The following IFT46 variants were observed in gnomAD, a reference collection of about 807,000 sequenced individuals.
IFT46 encodes the protein intraflagellar transport protein 46 homolog.
Under a neutral mutation model 39.6 loss-of-function variants are expected in IFT46, and 19 were observed. The observed-to-expected ratio is 0.48, with a 90% CI of 0.33 to 0.70. The LOEUF is 0.70. IFT46 is among the 30% of genes least tolerant of loss of function. The pLI is 0.01. For synonymous variants in IFT46, 117 were observed against 134.8 expected, an observed-to-expected ratio of 0.87 and a Z score of 0.91; for missense variants, 334 against 364.8, an observed-to-expected ratio of 0.92 and a Z score of 0.69.
At position 118,551,774 on chromosome 11, in the gene IFT46, C is replaced by T. The variant is rs2135486933; in HGVS notation, c.672+12G>A. On this transcript the variant is annotated intron_variant, in intron 9 of 11. Transcript: ENST00000264021. The stretch of plus-strand genomic sequence containing the variant: ...TACTTTCTTACCCTACCTCCTGCTA[C>T]CTTCCACTCACCTTGCCCAAAAGCT... 1.2e-6 allele frequency: 2 copies of T among 1,610,722 alleles called. No homozygotes were observed. The highest frequency in any genetic ancestry group is 2.2e-5 in the South Asian group (2 of 91,018).
chr11:118,559,847 G>A lies in IFT46; in HGVS notation c.-18C>T, dbSNP rs782788084. ...TCAGCCATAGCCTTGTTAGGAAGAT[G>A]GGCAGAACGAGGAAGTCCTTAGAAA... On this transcript the variant is annotated 5_prime_UTR_variant, in exon 3 of 12. Transcript: ENST00000264021. 1.6e-5 allele frequency: 26 copies of A among 1,609,378 alleles called. No individual in the cohort carries two copies. Among genetic ancestry groups the A allele is most frequent in the Non-Finnish European group, 2.0e-5 (23 of 1,176,132 alleles).
At chr11:118,553,416 G>A (rs569291505) in intron 7 of IFT46, among the ~76,000 whole-genome samples, 2 of 151,152 alleles carry the variant, frequency 1.3e-5, no homozygotes, top group African/African-American at 4.9e-5. Context: ...ACTCCAGCCT[G>A]GGCAACAAGA....
intron 6 of IFT46, 54 bp downstream of exon 6, chr11:118,554,936 A>G (rs1454934596): frequency 2.6e-5 from 32 of 1,240,112 alleles, no homozygotes; most frequent in Non-Finnish European, 3.6e-5. Context: ...TAAGAGTAAC[A>G]GGGGCATCAG....
chr11:118,554,651 A>T, intron 6 of IFT46, 64 bp from the exon 7 acceptor site: 1 of 1,504,734 alleles, frequency 6.6e-7, no homozygotes, highest in Non-Finnish European at 9.0e-7. Flanking sequence ...GAGGAAGAAC[A>T]CTTCTGGTTC....
intron 9 of IFT46, among the ~76,000 whole-genome samples, chr11:118,550,678 A>G (rs149654451): frequency 0.011 from 1,713 of 152,166 alleles, 31 homozygotes; most frequent in African/African-American, 0.038. Context: ...ACCTACTTTA[A>G]TTTTTTTCAA....
chr11:118,559,804 C>T lies in IFT46; in HGVS notation c.26G>A (p.Cys9Tyr), dbSNP rs11552421. 0.15 allele frequency: 249,300 copies of T among 1,610,856 alleles called. 24,379 individuals carry two copies. The highest frequency in any genetic ancestry group is 0.47 in the East Asian group (21,073 of 44,784). Residue 9 changes from cysteine (C) to tyrosine (Y), a missense_variant, in exon 3 of 12, where the codon TGT becomes TAT. Transcript: ENST00000264021. MADNSSDE[C>Y]EEENNKEKKK... ...CTGTACCTTGTTATTTTCCTCTTCA[C>T]ACTCATCACTGCTGTTATCAGCCAT...
chr11:118,562,070 T>A (rs1232974725), intron 2 of IFT46, among the ~76,000 whole-genome samples: 1 of 151,330 alleles, frequency 6.6e-6, no homozygotes, highest in Non-Finnish European at 1.5e-5. Flanking sequence ...AGGTCAGGAG[T>A]TCGAGACCAG....
chr11:118,552,957 C>T (rs73022058), intron 7 of IFT46, among the ~76,000 whole-genome samples: 18,018 of 151,254 alleles, frequency 0.12, 1,772 homozygotes, highest in East Asian at 0.49. Flanking sequence ...TGATGGCACA[C>T]ACCTGTGGTC....
chr11:118,574,034 A>G (rs1400400006), upstream of IFT46, among the ~76,000 whole-genome samples: 1 of 152,194 alleles, frequency 6.6e-6, no homozygotes, highest in Non-Finnish European at 1.5e-5. Flanking sequence ...CTTTGTTAAA[A>G]GGTTCTTGGA....
In IFT46 at chr11:118,544,717, G is replaced by A. The variant is rs1365408009; in HGVS notation, c.*199C>T. 4.0e-5 allele frequency: 23 copies of A among 569,676 alleles called. No individual in the cohort carries two copies. The highest frequency in any genetic ancestry group is 4.7e-4 in the Middle Eastern group (1 of 2,146). The allele number at this position is 569,676 out of a possible 1,614,324, so 35.3% of individuals were successfully genotyped here. On this transcript the variant is annotated 3_prime_UTR_variant, in exon 12 of 12. Coordinates refer to ENST00000264021, the MANE Select transcript of IFT46 (RefSeq NM_001168618.2). ...AGTGGTGTAGATGCATTAACTCCCC[G>A]GGGACAGCAATCTGAGGCAGGCAGG...
chr11:118,561,321 C>A (rs1278359527), intron 2 of IFT46: 3 of 1,040,476 alleles, frequency 2.9e-6, no homozygotes, highest in African/African-American at 3.1e-5. Flanking sequence ...CACTACTTAA[C>A]AGAAGAAGAT....
chr11:118,573,883 A>G, upstream of IFT46: 1 of 483,588 alleles, frequency 2.1e-6, no homozygotes, highest in South Asian at 3.5e-5. Context: ...GAGGTTCTGT[A>G]TTTGGTTAGT....
chr11:118,558,011 T>A lies in IFT46; in HGVS notation c.46-966A>T, dbSNP rs1036045605. 4.9e-6 allele frequency: 5 copies of A among 1,026,442 alleles called. No homozygotes were observed. In the Admixed American group the frequency reaches 1.4e-4, roughly 29 times the overall value. The allele number at this position is 1,026,442 out of a possible 1,614,324, so 63.6% of individuals were successfully genotyped here. ...CCAGTTGTTTAAAATTAATTTGTTT[T>A]TATGGTAAAGCAGCTATTGGCACAC... On this transcript the variant is annotated intron_variant, in intron 3 of 11. Coordinates refer to ENST00000264021, the MANE Select transcript of IFT46 (RefSeq NM_001168618.2).
chr11:118,547,747 T>TTC (rs1951723673), intron 9 of IFT46, among the ~76,000 whole-genome samples: 1 of 142,220 alleles, frequency 7.0e-6, no homozygotes, highest in Non-Finnish European at 1.5e-5. Context: ...TTCTTTTCTT[T>TTC]TTTTTTTTTT....
chr11:118,559,680 CTGGAGGTGAG>C (rs1937966003), intron 3 of IFT46, 95 bp downstream of exon 3: 6 of 877,820 alleles, frequency 6.8e-6, no homozygotes, highest in Non-Finnish European at 1.2e-5. Flanking sequence ...TCCCTAACCC[CTGGAGGTGAG>C]TGTTCAAGAA....
chr11:118,561,114 C>T (rs577975456), intron 2 of IFT46: 6 of 1,507,352 alleles, frequency 4.0e-6, no homozygotes, highest in Non-Finnish European at 5.5e-6. Context: ...GGTGCCTTTA[C>T]CTGCTATTTG....
upstream of IFT46, among the ~76,000 whole-genome samples, chr11:118,575,894 T>C (rs1345874768): frequency 6.6e-6 from 1 of 152,184 alleles, no homozygotes; most frequent in Non-Finnish European, 1.5e-5. Context: ...AATGTTACTA[T>C]AAAATATTGT....
chr11:118,549,751 T>C (rs868988131), intron 9 of IFT46, among the ~76,000 whole-genome samples: 29 of 151,410 alleles, frequency 1.9e-4, no homozygotes, highest in Middle Eastern at 3.4e-3. Context: ...TCTCGATCTC[T>C]TGACCTCATG....
chr11:118,562,146 A>C (rs1025383250), intron 2 of IFT46, among the ~76,000 whole-genome samples: 16 of 152,114 alleles, frequency 1.1e-4, no homozygotes, highest in African/African-American at 3.9e-4. Context: ...GTGTGGTGGC[A>C]CACTCCTATA....
Sources: allele counts gnomAD v4.1 joint callset (sites outside exome capture counted in the v4.1 genomes callset), GRCh38; gene constraint gnomAD v4.1.1; transcripts MANE v1.5; gene names NCBI Gene and HGNC (gene_info 2026-07-23, HGNC 2026-07-21).